Variants in RYR2 observed in about 807,000 individuals in gnomAD.
RYR2 encodes ryanodine receptor 2, also known as cardiac muscle ryanodine receptor-calcium release channel.
In RYR2, 227 loss-of-function variants were observed where a neutral mutation model predicts 601.1. That is an observed-to-expected ratio of 0.38 (90% CI 0.34 to 0.42). The LOEUF (loss-of-function observed/expected upper bound fraction) is 0.42, where lower values mean the gene tolerates loss of function less well. Among genes scored for constraint, RYR2 ranks in the 10% least tolerant of loss-of-function variants. The pLI, the probability that RYR2 is intolerant of heterozygous loss-of-function variation, is 1.00. For synonymous variants in RYR2, 2,223 were observed against 2,175.1 expected (o/e 1.02, Z -0.61); for missense variants, 4,646 against 6,156.5 (o/e 0.75, Z 8.21).
chr1:237,696,809 C>A (rs2149012257), intron 63 of RYR2, among the ~76,000 whole-genome samples: 1 of 152,216 alleles, frequency 6.6e-6, no homozygotes, highest in African/African-American at 2.4e-5. Context: ...GTAAATCCTT[C>A]AAATATATAT....
At chr1:237,513,113 CA>C (rs1572668392) in intron 24 of RYR2, among the ~76,000 whole-genome samples, 1 of 152,176 alleles carries the variant, frequency 6.6e-6, no homozygotes, top group East Asian at 1.9e-4. Context: ...CCAGTAAAGG[CA>C]AATTTGCTTT....
At chr1:237,059,959 G>A (rs1353216355) in intron 1 of RYR2, among the ~76,000 whole-genome samples, 1 of 152,156 alleles carries the variant, frequency 6.6e-6, no homozygotes, top group Admixed American at 6.6e-5. Context: ...CTTCATTTGT[G>A]TTTTAAAATG....
intron 29 of RYR2, among the ~76,000 whole-genome samples, chr1:237,585,076 T>G (rs1351073221): frequency 6.6e-6 from 1 of 152,098 alleles, no homozygotes; most frequent in South Asian, 2.1e-4. Context: ...ACCACCACGC[T>G]TGTTTGTTTA....
chr1:237,166,873 A>G (rs916958331), intron 1 of RYR2, among the ~76,000 whole-genome samples: 14 of 152,236 alleles, frequency 9.2e-5, no homozygotes, highest in Non-Finnish European at 1.9e-4. Context: ...CTCTGTACAG[A>G]AAGACTTAAC....
At chr1:237,205,159 G>A (rs1285796043) in intron 1 of RYR2, among the ~76,000 whole-genome samples, 1 of 152,204 alleles carries the variant, frequency 6.6e-6, no homozygotes, top group African/African-American at 2.4e-5. Flanking sequence ...TCAAGGACAT[G>A]GTTTTCTAGA....
intron 8 of RYR2, among the ~76,000 whole-genome samples, chr1:237,383,640 A>G (rs1456917974): frequency 2.0e-5 from 3 of 151,872 alleles, no homozygotes; most frequent in Non-Finnish European, 2.9e-5. Flanking sequence ...CGTGTTGGCC[A>G]GGATGGTCTC....
chr1:237,653,652 C>T lies in RYR2; in HGVS notation c.7825-622C>T, dbSNP rs929197964. Among the ~76,000 whole-genome samples, 17 of 152,250 alleles carry T rather than the reference C, an allele frequency of 1.1e-4. No individual in the cohort carries two copies. The East Asian group carries it at 1.2e-3, about 10-fold the overall frequency. On this transcript the variant is annotated intron_variant, in intron 51 of 104. Coordinates refer to ENST00000366574, the MANE Select transcript of RYR2 (RefSeq NM_001035.3). ...GTTTATTAAGGAGTATTGACTCACA[C>T]GATCACCGGGTGAAGTCCCACAATA...
intron 1 of RYR2, among the ~76,000 whole-genome samples, chr1:237,240,899 AC>A (rs1450007087): frequency 1.3e-5 from 2 of 152,182 alleles, no homozygotes; most frequent in Non-Finnish European, 2.9e-5. Context: ...CAGTAATGCT[AC>A]TTTTAACATT....
At chr1:237,785,118 A>T in intron 90 of RYR2, 146 bp downstream of exon 90, 1 of 681,838 alleles carries the variant, frequency 1.5e-6, no homozygotes, top group South Asian at 1.7e-5. Context: ...TTTGGTAGAC[A>T]AAGTTAGTGT....
chr1:237,453,143 G>A (rs1028801003), intron 14 of RYR2, among the ~76,000 whole-genome samples: 6 of 152,022 alleles, frequency 3.9e-5, no homozygotes, highest in African/African-American at 1.4e-4. Context: ...TTCACTGCAT[G>A]TGAATTAAAT....
At chr1:237,150,874 A>C (rs1000709060) in intron 1 of RYR2, among the ~76,000 whole-genome samples, 1 of 152,112 alleles carries the variant, frequency 6.6e-6, no homozygotes, top group Non-Finnish European at 1.5e-5. Context: ...ACTTAATTCC[A>C]AGTGCTCTGG....
chr1:237,602,256 T>C lies in RYR2; in HGVS notation c.4683+145T>C, dbSNP rs138021722. On this transcript the variant is annotated intron_variant, in intron 35 of 104. Coordinates refer to ENST00000366574, the MANE Select transcript of RYR2 (RefSeq NM_001035.3). The stretch of plus-strand genomic sequence containing the variant: ...AAGAAAAGATAGCCATGCTTGAAAA[T>C]CTCTTTCAGGTCACAAGGGTAACAA... 3.2e-3 allele frequency: 1,909 copies of C among 588,822 alleles called. 4 individuals are homozygous for C. The highest frequency in any genetic ancestry group is 3.5e-3 in the Non-Finnish European group (1,254 of 353,832). The allele number at this position is 588,822 out of a possible 1,614,324, so 36.5% of individuals were successfully genotyped here. A position where few individuals can be genotyped will look rare whatever the true frequency, so the allele number is the denominator to read the frequency against.
intron 16 of RYR2, among the ~76,000 whole-genome samples, chr1:237,468,636 T>G (rs749253749): frequency 3.3e-5 from 5 of 152,230 alleles, no homozygotes; most frequent in African/African-American, 7.2e-5. Flanking sequence ...GTTAGAGTTA[T>G]AATTACTAGT....
At chr1:237,084,153 CAGG>C (rs1337435611) in intron 1 of RYR2, among the ~76,000 whole-genome samples, 1 of 152,208 alleles carries the variant, frequency 6.6e-6, no homozygotes, top group African/African-American at 2.4e-5. Context: ...ACAACCACAA[CAGG>C]AGCTCACCGT....
At chr1:237,390,720 T>C (rs1445761521) in intron 10 of RYR2, among the ~76,000 whole-genome samples, 1 of 152,126 alleles carries the variant, frequency 6.6e-6, no homozygotes, top group African/African-American at 2.4e-5. Context: ...TCAAAGATAT[T>C]TTAATCATGT....
intron 1 of RYR2, among the ~76,000 whole-genome samples, chr1:237,189,427 C>G (rs188519691): frequency 6.6e-6 from 1 of 152,158 alleles, no homozygotes; most frequent in Non-Finnish European, 1.5e-5. Flanking sequence ...TATAGATACC[C>G]ATGTCGTGGA....
intron 64 of RYR2, 79 bp downstream of exon 64, chr1:237,699,104 C>T: frequency 1.5e-6 from 1 of 671,566 alleles, no homozygotes; most frequent in Non-Finnish European, 2.5e-6. Flanking sequence ...AAGAAGGACC[C>T]AGTGTCTGGA....
At chr1:237,583,228 GA>G (rs1365869938) in intron 29 of RYR2, among the ~76,000 whole-genome samples, 2 of 151,992 alleles carry the variant, frequency 1.3e-5, no homozygotes, top group African/African-American at 2.4e-5. Context: ...GTCTTCTTTT[GA>G]AAAGTATCTG....
intron 12 of RYR2, among the ~76,000 whole-genome samples, chr1:237,423,994 A>G (rs755537200): frequency 3.3e-5 from 5 of 152,032 alleles, no homozygotes; most frequent in Non-Finnish European, 7.4e-5. Context: ...AGAGCAGGAG[A>G]GTGAGTGTGA....
Sources: gnomAD v4.1 joint callset for allele counts (sites outside exome capture counted in the v4.1 genomes callset) on GRCh38, gnomAD v4.1.1 for gene constraint, MANE v1.5 for transcripts, NCBI Gene and HGNC (gene_info 2026-07-23, HGNC 2026-07-21) for gene names.